The following SLC26A7 variants were observed in gnomAD, a reference collection of about 807,000 sequenced individuals.
The protein encoded by SLC26A7 is anion exchange transporter.
SLC26A7 carries 59 observed loss-of-function variants against 82.5 expected under a neutral mutation model. The ratio of observed to expected loss-of-function variants is 0.72; its 90% confidence interval spans 0.58 to 0.89. The LOEUF (loss-of-function observed/expected upper bound fraction) is 0.89. Among genes scored for constraint, SLC26A7 ranks in the 40% least tolerant of loss-of-function variants. The pLI, the probability that SLC26A7 is intolerant of heterozygous loss-of-function variation, is 0.00. For missense variants in SLC26A7, 820 were observed against 793.0 expected (o/e 1.03, Z -0.41); for synonymous variants, 271 against 274.3 (o/e 0.99, Z 0.12).
intron 2 of SLC26A7, among the ~76,000 whole-genome samples, chr8:91,234,085 C>T (rs537621831): frequency 6.6e-6 from 1 of 152,216 alleles, no homozygotes; most frequent in African/African-American, 2.4e-5. Context: ...AATAATTTTC[C>T]TAATCAACTT....
intron 2 of SLC26A7, among the ~76,000 whole-genome samples, chr8:91,267,750 A>T (rs1811154554): frequency 6.6e-6 from 1 of 151,768 alleles, no homozygotes; most frequent in Admixed American, 6.6e-5. Context: ...AATCTATTTT[A>T]AAAAAATATT....
At chr8:91,260,918 C>A (rs544732216) in intron 2 of SLC26A7, among the ~76,000 whole-genome samples, 41 of 152,196 alleles carry the variant, frequency 2.7e-4, no homozygotes, top group African/African-American at 9.9e-4. Flanking sequence ...TGTTTTCACA[C>A]AATTATGGTT....
intron 4 of SLC26A7, among the ~76,000 whole-genome samples, chr8:91,307,656 G>C (rs1216931563): frequency 1.8e-5 from 2 of 108,580 alleles, no homozygotes; most frequent in Non-Finnish European, 3.7e-5. Context: ...TTGTGGGGTG[G>C]GGGGAGGGGG....
intron 5 of SLC26A7, among the ~76,000 whole-genome samples, chr8:91,324,261 C>T (rs1047257380): frequency 6.6e-6 from 1 of 152,190 alleles, no homozygotes; most frequent in African/African-American, 2.4e-5. Context: ...CAAGAGACAT[C>T]AAATTCTTAT....
intron 6 of SLC26A7, among the ~76,000 whole-genome samples, chr8:91,335,390 A>T (rs1396546043): frequency 6.6e-6 from 1 of 152,188 alleles, no homozygotes; most frequent in East Asian, 1.9e-4. Flanking sequence ...AACATATGTG[A>T]TTTATATAAT....
chr8:91,350,628 G>T (rs978741422), intron 9 of SLC26A7, among the ~76,000 whole-genome samples: 1 of 151,626 alleles, frequency 6.6e-6, no homozygotes, highest in African/African-American at 2.4e-5. Context: ...TTGTGTTTAG[G>T]TTCTTTCATT....
intron 13 of SLC26A7, among the ~76,000 whole-genome samples, chr8:91,364,796 C>G (rs1444426483): frequency 2.0e-5 from 3 of 152,194 alleles, no homozygotes; most frequent in Non-Finnish European, 4.4e-5. Flanking sequence ...GATGAAAATG[C>G]TAGAAATTTC....
chr8:91,321,565 G>C (rs1330571000), intron 5 of SLC26A7, among the ~76,000 whole-genome samples: 5 of 152,138 alleles, frequency 3.3e-5, no homozygotes, highest in African/African-American at 1.2e-4. Flanking sequence ...GGAGCCTCCA[G>C]AATAACTGTC....
intron 4 of SLC26A7, among the ~76,000 whole-genome samples, chr8:91,308,262 T>A (rs1385665611): frequency 1.3e-5 from 2 of 151,910 alleles, no homozygotes; most frequent in Non-Finnish European, 2.9e-5. Context: ...TGTGTGTGTG[T>A]GTGTGTGTGT....
intron 2 of SLC26A7, among the ~76,000 whole-genome samples, chr8:91,253,919 A>G (rs1209143166): frequency 6.6e-6 from 1 of 152,134 alleles, no homozygotes; most frequent in East Asian, 1.9e-4. Flanking sequence ...CAATTGTTCC[A>G]TTGCAGCATG....
At chr8:91,291,890 A>G (rs11785752) in intron 3 of SLC26A7, among the ~76,000 whole-genome samples, 104,483 of 152,116 alleles carry the variant, frequency 0.69, 36,523 homozygotes, top group Non-Finnish European at 0.76. Flanking sequence ...AAGTCGAATG[A>G]GCTACCACAC....
intron 4 of SLC26A7, among the ~76,000 whole-genome samples, chr8:91,313,394 T>G (rs1304606137): frequency 6.6e-6 from 1 of 152,310 alleles, no homozygotes; most frequent in Admixed American, 6.5e-5. Flanking sequence ...TTTTAATAAG[T>G]TTTGAAATCA....
At chr8:91,369,343 C>G (rs1586462237) in intron 14 of SLC26A7, among the ~76,000 whole-genome samples, 1 of 144,132 alleles carries the variant, frequency 6.9e-6, no homozygotes, top group Admixed American at 7.1e-5. Context: ...TATTGTCAGA[C>G]AAGATTAACT....
intron 5 of SLC26A7, among the ~76,000 whole-genome samples, chr8:91,327,162 C>T (rs35162874): frequency 0.18 from 26,800 of 152,010 alleles, 2,780 homozygotes; most frequent in African/African-American, 0.27. Flanking sequence ...ACTGCAGTAA[C>T]CCAACCATGT....
chr8:91,327,446 C>G (rs751664438), intron 5 of SLC26A7, among the ~76,000 whole-genome samples: 26 of 152,036 alleles, frequency 1.7e-4, no homozygotes, highest in Non-Finnish European at 3.2e-4. Flanking sequence ...TTCGGTGGTG[C>G]TACTGTTGTC....
chr8:91,368,806 A>G (rs1814272641), intron 14 of SLC26A7, among the ~76,000 whole-genome samples: 1 of 152,350 alleles, frequency 6.6e-6, no homozygotes, highest in South Asian at 2.1e-4. Flanking sequence ...AATCAGGCTA[A>G]CTTAATCATC....
In SLC26A7 at chr8:91,348,086, A is replaced by C. The variant is rs142466809; in HGVS notation, c.1141-3724A>C. 3.5e-3 allele frequency among the ~76,000 whole-genome samples: 537 copies of C among 152,352 alleles called. 2 individuals carry two copies. The highest frequency in any genetic ancestry group is 9.8e-3 in the African/African-American group (407 of 41,586). Reference sequence around the variant, plus strand: ...TGCACAGGCAGCTCAGCCACAACTGAAAACAACAGCTGGCATGTTTTTCTG... The same window carrying C: ...TGCACAGGCAGCTCAGCCACAACTGCAAACAACAGCTGGCATGTTTTTCTG... On this transcript the variant is annotated intron_variant, in intron 9 of 18. Coordinates refer to ENST00000276609, the MANE Select transcript of SLC26A7 (RefSeq NM_052832.4).
chr8:91,318,974 A>T (rs1370711020), intron 5 of SLC26A7, among the ~76,000 whole-genome samples: 1 of 152,238 alleles, frequency 6.6e-6, no homozygotes, highest in Non-Finnish European at 1.5e-5. Context: ...TTTATTTTTT[A>T]AAAAGCCTTG....
intron 3 of SLC26A7, among the ~76,000 whole-genome samples, chr8:91,290,051 C>G (rs1260693086): frequency 6.6e-6 from 1 of 151,954 alleles, no homozygotes; most frequent in East Asian, 1.9e-4. Flanking sequence ...ATATACAGTG[C>G]CTAATTTAAT....
Sources: gnomAD v4.1 joint callset for allele counts (sites outside exome capture counted in the v4.1 genomes callset) on GRCh38, gnomAD v4.1.1 for gene constraint, MANE v1.5 for transcripts, NCBI Gene and HGNC (gene_info 2026-07-23, HGNC 2026-07-21) for gene names.